Variants in TONSL observed in about 807,000 individuals in gnomAD.
TONSL encodes the protein tonsoku-like protein.
A neutral mutation model predicts 147.1 loss-of-function variants in TONSL; 112 were observed. The ratio of observed to expected loss-of-function variants is 0.76; its 90% confidence interval spans 0.65 to 0.89. The LOEUF is 0.89. Among genes scored for constraint, TONSL ranks in the 40% least tolerant of loss-of-function variants. The pLI, the probability that TONSL is intolerant of heterozygous loss-of-function variation, is 0.00. For synonymous variants in TONSL, 868 were observed against 801.5 expected (o/e 1.08, Z -1.40); for missense variants, 1,883 against 1,864.6 (o/e 1.01, Z -0.18).
In TONSL at chr8:144,433,716, C is replaced by A; in HGVS notation, c.3431G>T (p.Gly1144Val). The stretch of plus-strand genomic sequence containing the variant: ...GAGGGAGGCCAGGGACTGGCCACAG[C>A]CGTCCCCCAGGGGGTTCATGCTTAA... ...LDLSMNPLGDGCGQSLASLLH... is the reference protein window; with the variant it reads ...LDLSMNPLGDVCGQSLASLLH... The change falls in exon 22 of 26, where the codon GGC (glycine) becomes GTC (valine). Residue 1144 changes from glycine (G) to valine (V), a missense_variant. Coordinates refer to ENST00000409379, the MANE Select transcript of TONSL (RefSeq NM_013432.5). 2 of 1,606,856 alleles carry A rather than the reference C, an allele frequency of 1.2e-6. No individual in the cohort carries two copies. The highest frequency in any genetic ancestry group is 1.7e-6 in the Non-Finnish European group (2 of 1,177,222).
At position 144,433,759 on chromosome 8, in the gene TONSL, T is replaced by C. The variant is rs1554879259; in HGVS notation, c.3388A>G (p.Ser1130Gly). ...MGLPGQATLQ[S>G]LEELDLSMNP... Reference sequence around the variant, plus strand: ...ATGCTTAAGTCCAGCTCCTCCAAACTCTGTGGAAGACACAGGCTGGCAGTG... The same window carrying C: ...ATGCTTAAGTCCAGCTCCTCCAAACCCTGTGGAAGACACAGGCTGGCAGTG... The change falls in exon 22 of 26, where the codon AGT becomes GGT. Residue 1130 changes from serine to glycine, a missense_variant and splice_region_variant. Transcript: ENST00000409379. 2 of 1,568,522 alleles carry C rather than the reference T, an allele frequency of 1.3e-6. No individual in the cohort carries two copies. Among genetic ancestry groups the C allele is most frequent in the Non-Finnish European group, 1.7e-6 (2 of 1,157,894 alleles).
At position 144,440,713 on chromosome 8, in the gene TONSL, T is replaced by C. The variant is rs1240272013; in HGVS notation, c.1164+5A>G. On this transcript the variant is annotated splice_donor_5th_base_variant and intron_variant, in intron 9 of 25. Transcript: ENST00000409379. ...CTGCATTCGGGCGGGGAGCAAGGGTTTCACCTCCAGCACGTTGCCGCTGCG... is the reference window on the plus strand; with the variant it reads ...CTGCATTCGGGCGGGGAGCAAGGGTCTCACCTCCAGCACGTTGCCGCTGCG... The C allele has an allele frequency of 1.2e-6, 2 of 1,610,930 alleles. No homozygotes were observed. Among genetic ancestry groups the C allele is most frequent in the Non-Finnish European group, 1.7e-6 (2 of 1,178,810 alleles).
intron 22 of TONSL, chr8:144,433,318 T>G (rs1260067138): frequency 2.8e-6 from 1 of 352,430 alleles, no homozygotes; most frequent in African/African-American, 2.2e-5. Flanking sequence ...CCTCGTGATC[T>G]GCCCGCCTTG....
chr8:144,436,681 CCT>C lies in TONSL; in HGVS notation c.1891-2_1891-1del. ...TGCAGCGTCTCCAGCGGGCTGAGGC[CCT>C]GTGTGGCATCAGTTGAGCAGGGGCA... is the stretch of plus-strand genomic sequence containing the variant. On this transcript the variant is annotated splice_acceptor_variant, in intron 15 of 25. Coordinates refer to ENST00000409379, the MANE Select transcript of TONSL (RefSeq NM_013432.5). LOFTEE classifies it high-confidence loss of function. 1 of 1,611,968 alleles carries C rather than the reference CCT, an allele frequency of 6.2e-7. No individual in the cohort carries two copies. Among genetic ancestry groups the C allele is most frequent in the South Asian group, 1.1e-5 (1 of 91,074 alleles).
Position 144,429,341 on chromosome 8 carries a change from G to A in TONSL, c.3944-5C>T. 7.0e-7 allele frequency: 1 copy of A among 1,432,014 alleles called. No homozygotes were observed. The highest frequency in any genetic ancestry group is 1.4e-5 in the South Asian group (1 of 69,908). The allele number at this position is 1,432,014 out of a possible 1,614,324, so 88.7% of individuals were successfully genotyped here. ...GGGGACCCTGGACGGCGCAGCCTGC[G>A]GAGGGGAAGAGGGCAGACCTCAGCG... On this transcript the variant is annotated splice_polypyrimidine_tract_variant and splice_region_variant and intron_variant, in intron 25 of 25. Coordinates refer to ENST00000409379, the MANE Select transcript of TONSL (RefSeq NM_013432.5).
rs142494135 is a variant in TONSL, at chr8:144,434,254, G to A, written c.3111C>T (p.Ala1037=). Residue 1037 remains alanine (A), a synonymous_variant, in exon 21 of 26, where the codon GCC becomes GCT. Coordinates refer to ENST00000409379, the MANE Select transcript of TONSL (RefSeq NM_013432.5). ...AGAGGCCCAAGCCCTGGAGCTCCAC[G>A]GCCTGCAGCACCTGTTGGTGCTCCC... The part of the protein sequence containing the change: ...GQGEHQQVLQ[A]VELQGLGLSF... 3,009 of 1,521,458 alleles carry A rather than the reference G, an allele frequency of 2.0e-3. 49 individuals carry two copies. In the East Asian group the frequency reaches 0.026, roughly 13 times the overall value. 94.2% of individuals were successfully genotyped at this position (1,521,458 alleles called of 1,614,324 possible).
At position 144,433,606 on chromosome 8, in the gene TONSL, G is replaced by T. The variant is rs782730222; in HGVS notation, c.3541C>A (p.Leu1181Met). 1 of 1,613,498 alleles carries T rather than the reference G, an allele frequency of 6.2e-7. No individual in the cohort carries two copies. Among genetic ancestry groups the T allele is most frequent in the South Asian group, 1.1e-5 (1 of 91,074 alleles). Residue 1181 changes from leucine (L) to methionine (M), a missense_variant, in exon 22 of 26, where the codon CTG becomes ATG. Coordinates refer to ENST00000409379, the MANE Select transcript of TONSL (RefSeq NM_013432.5). ...AGCTCACCTTGGAAAGCACTACCCA[G>T]TGCTGTCTGGTGGCTCAGAAAGAAG... ...PSFFLSHQTA[L>M]GSAFQDAEHL...
rs1173401159 is a variant in TONSL at position 144,440,090 on chromosome 8, C to A, written c.1411G>T (p.Ala471Ser). The change falls in exon 11 of 26, where the codon GCG (alanine) becomes TCG (serine). Residue 471 changes from alanine to serine, a missense_variant. By Grantham distance (99) the Ala-to-Ser change is moderately conservative (BLOSUM62 1). Coordinates refer to ENST00000409379, the MANE Select transcript of TONSL (RefSeq NM_013432.5). Reference protein sequence around the residue: ...VAEDEDEEEEAEEAAATAESE... With the variant: ...VAEDEDEEEESEEAAATAESE... ...TCCGCTGTGGCTGCCGCCTCCTCCG[C>A]CTCCTCCTCCTCATCTTCATCTTCA... 6.2e-7 allele frequency: 1 copy of A among 1,603,718 alleles called. No homozygotes were observed. The highest frequency in any genetic ancestry group is 8.5e-7 in the Non-Finnish European group (1 of 1,172,524).
intron 25 of TONSL, among the ~76,000 whole-genome samples, chr8:144,430,189 T>G (rs4082353): frequency 0.55 from 84,212 of 152,056 alleles, 23,506 homozygotes; most frequent in Middle Eastern, 0.63. Context: ...CAGAGGCAGA[T>G]ACCCACCTCG....
rs867988450 is a variant in TONSL at position 144,436,196 on chromosome 8, C to A, written c.2237G>T (p.Gly746Val). Residue 746 changes from glycine to valine, a missense_variant, in exon 17 of 26, where the codon GGC (glycine) becomes GTC (valine). Physicochemically the swap from Gly to Val is moderately radical, Grantham distance 109. Coordinates refer to ENST00000409379, the MANE Select transcript of TONSL (RefSeq NM_013432.5). ...GPASSSSSSE[G>V]EDSAGPARPS... ...CCGTGCGGGGCCTGCGCTGTCCTCGCCTTCTGAGCTGCTGCTGCTGCTGGC... is the reference window on the plus strand; with the variant it reads ...CCGTGCGGGGCCTGCGCTGTCCTCGACTTCTGAGCTGCTGCTGCTGCTGGC... 1 of 1,570,400 alleles carries A rather than the reference C, an allele frequency of 6.4e-7. No homozygotes were observed. The highest frequency in any genetic ancestry group is 1.1e-5 in the South Asian group (1 of 88,614).
chr8:144,429,350 G>A lies in TONSL; in HGVS notation c.3944-14C>T. ...GGACGGCGCAGCCTGCGGAGGGGAA[G>A]AGGGCAGACCTCAGCGCTGCGGGGG... On this transcript the variant is annotated splice_polypyrimidine_tract_variant and intron_variant, in intron 25 of 25. Coordinates refer to ENST00000409379, the MANE Select transcript of TONSL (RefSeq NM_013432.5). The A allele has an allele frequency of 7.0e-7, 1 of 1,424,606 alleles. No individual in the cohort carries two copies. 88.2% of individuals were successfully genotyped at this position (1,424,606 alleles called of 1,614,324 possible).
At chr8:144,432,501 G>GC in intron 22 of TONSL, 41 bp from the exon 23 acceptor site, 1 of 1,475,066 alleles carries the variant, frequency 6.8e-7, no homozygotes, top group Non-Finnish European at 9.0e-7. Context: ...CGTGGCCACA[G>GC]CCCTGTACCC....
rs1254422485 is a variant in TONSL at position 144,436,125 on chromosome 8, C to G, written c.2308G>C (p.Ala770Pro). The G allele has an allele frequency of 3.8e-6, 6 of 1,559,852 alleles. No individual in the cohort carries two copies. In the East Asian group the frequency reaches 1.4e-4, roughly 37 times the overall value. Residue 770 changes from alanine to proline, a missense_variant, in exon 17 of 26, where the codon GCA becomes CCA. Physicochemically the swap from Ala to Pro is conservative, Grantham distance 27. Transcript: ENST00000409379. ...CTGGCGGGGCCAGGCGTCCAGGCTG[C>G]CACCCGTTGTGCTGTGGCCGAGCAC... is the stretch of plus-strand genomic sequence containing the variant. ...PRCSATAQRV[A>P]AWTPGPASNR...
chr8:144,442,931 T>C, intron 4 of TONSL, 125 bp from the exon 5 acceptor site: 2 of 1,362,412 alleles, frequency 1.5e-6, no homozygotes. Flanking sequence ...TGGGTGCAAG[T>C]GTCCTGCGGC....
At chr8:144,430,103 C>T (rs2130834077) in intron 25 of TONSL, among the ~76,000 whole-genome samples, 1 of 152,316 alleles carries the variant, frequency 6.6e-6, no homozygotes, top group East Asian at 1.9e-4. Context: ...CTTTTCCTGC[C>T]AGGGACAAGA....
chr8:144,435,819 G>A lies in TONSL; in HGVS notation c.2614C>T (p.Pro872Ser). ...TSGSDSEESR[P>S]RARAKQVRLT... ...CGGACCTGCTTGGCTCGGGCACGGG[G>A]CCTGCTCTCCTCACTGTCCGACCCA... The change falls in exon 17 of 26, where the codon CCC (proline) becomes TCC (serine). Residue 872 changes from proline (P) to serine (S), a missense_variant. Coordinates refer to ENST00000409379, the MANE Select transcript of TONSL (RefSeq NM_013432.5). 6.2e-7 allele frequency: 1 copy of A among 1,612,606 alleles called. No homozygotes were observed. Among genetic ancestry groups the A allele is most frequent in the African/African-American group, 1.3e-5 (1 of 74,970 alleles).
Position 144,442,420 on chromosome 8 carries a change from G to A in TONSL, c.579-8C>T, listed in dbSNP as rs1289454321. The A allele has an allele frequency of 3.9e-6, 6 of 1,532,316 alleles. No homozygotes were observed. Among genetic ancestry groups the A allele is most frequent in the Non-Finnish European group, 5.3e-6 (6 of 1,139,318 alleles). 94.9% of individuals were successfully genotyped at this position (1,532,316 alleles called of 1,614,324 possible). A position where few individuals can be genotyped will look rare whatever the true frequency, so the allele number is the denominator to read the frequency against. ...TCGTAAAGGTGGTTCTGCCTGCAGA[G>A]GGGTGACGACCACTGAGCACCCAGG... On this transcript the variant is annotated splice_region_variant and splice_polypyrimidine_tract_variant and intron_variant, in intron 5 of 25. Coordinates refer to ENST00000409379, the MANE Select transcript of TONSL (RefSeq NM_013432.5).
In TONSL at chr8:144,430,485, C is replaced by G. The variant is rs1554878402; in HGVS notation, c.3862G>C (p.Glu1288Gln). 6.2e-7 allele frequency: 1 copy of G among 1,613,554 alleles called. No individual in the cohort carries two copies. The highest frequency in any genetic ancestry group is 2.2e-5 in the East Asian group (1 of 44,864). The change falls in exon 25 of 26, where the codon GAG becomes CAG. Residue 1288 changes from glutamate (E) to glutamine (Q), a missense_variant. Physicochemically the swap from Glu to Gln is conservative, Grantham distance 29. Coordinates refer to ENST00000409379, the MANE Select transcript of TONSL (RefSeq NM_013432.5). ...LISLDLSANP[E>Q]ISCASLEELL... is the part of the protein sequence containing the mutation. ...TCTTCCAAGCTGGCACAGCTGATCT[C>G]AGGGTTGGCAGACAGATCCAGTGAG...
In TONSL at chr8:144,436,253, A is replaced by G. The variant is rs745509556; in HGVS notation, c.2180T>C (p.Met727Thr). The G allele has an allele frequency of 7.8e-6, 12 of 1,534,208 alleles. 1 individual carries two copies. In the Admixed American group the frequency reaches 1.5e-4, roughly 19 times the overall value. ...ATGCCTGCTCCTCCGAGGCCTGGCC[A>G]TGGCTGGTGCCGCCTGCCCTGGGGA... Reference protein sequence around the residue: ...RVSPGQAAPAMARPRRSRHGP... With the variant: ...RVSPGQAAPATARPRRSRHGP... The change falls in exon 17 of 26, where the codon ATG becomes ACG. Residue 727 changes from methionine (M) to threonine (T), a missense_variant. Transcript: ENST00000409379.
Sources: allele counts gnomAD v4.1 joint callset (sites outside exome capture counted in the v4.1 genomes callset), GRCh38; gene constraint gnomAD v4.1.1; transcripts MANE v1.5; gene names NCBI Gene and HGNC (gene_info 2026-07-23, HGNC 2026-07-21).